ANGPT1: variants seen among roughly 807,000 people sequenced by gnomAD.
ANGPT1 encodes angiopoietin-1.
ANGPT1 carries 17 observed loss-of-function variants against 62.2 expected under a neutral mutation model. That is an observed-to-expected ratio of 0.27 (90% confidence interval 0.19 to 0.41). The LOEUF is 0.41. ANGPT1 is among the 10% of genes least tolerant of loss of function. The pLI is 1.00. For missense variants in ANGPT1, 478 were observed against 594.9 expected (o/e 0.80, Z 2.04); for synonymous variants, 199 against 198.9 (o/e 1.00, Z 0.00).
At chr8:107,396,247 T>A (rs1347537762) in intron 1 of ANGPT1, among the ~76,000 whole-genome samples, 1 of 152,140 alleles carries the variant, frequency 6.6e-6, no homozygotes, top group Non-Finnish European at 1.5e-5. Flanking sequence ...CATTTGTCTA[T>A]CTTCAGTATG....
In ANGPT1 at chr8:107,493,608, C is replaced by G. The variant is rs527729883; in HGVS notation, c.297+3654G>C. On this transcript the variant is annotated intron_variant, in intron 1 of 8. Transcript: ENST00000517746. ...TATTGAAGAGGTAAGGTGTATACCT[C>G]GAATAAAATGCTGACAGTAGACAGT... is the stretch of plus-strand genomic sequence containing the variant. Among the ~76,000 whole-genome samples the G allele has an allele frequency of 8.4e-4, 126 of 150,422 alleles. 7 individuals are homozygous for G. Among genetic ancestry groups the G allele is most frequent in the African/African-American group, 2.9e-3 (118 of 40,840 alleles).
chr8:107,384,242 T>C (rs1321284928), intron 1 of ANGPT1, among the ~76,000 whole-genome samples: 1 of 151,990 alleles, frequency 6.6e-6, no homozygotes, highest in Non-Finnish European at 1.5e-5. Flanking sequence ...GTTGGCATGG[T>C]TTTGTTGATT....
chr8:107,387,895 G>A (rs370072754), intron 1 of ANGPT1, among the ~76,000 whole-genome samples: 1 of 151,946 alleles, frequency 6.6e-6, no homozygotes, highest in East Asian at 1.9e-4. Flanking sequence ...TAAGTAAAAT[G>A]TCTGAATCCC....
At chr8:107,381,766 G>A (rs1816642323) in intron 1 of ANGPT1, among the ~76,000 whole-genome samples, 1 of 152,164 alleles carries the variant, frequency 6.6e-6, no homozygotes, top group Admixed American at 6.5e-5. Flanking sequence ...GGGACAGTGG[G>A]CATGACAGGA....
At chr8:107,365,856 AACACACACACACAC>A (rs10627552) in intron 1 of ANGPT1, among the ~76,000 whole-genome samples, 5 of 147,084 alleles carry the variant, frequency 3.4e-5, no homozygotes, top group African/African-American at 5.0e-5. Context: ...AAACAAATAC[AACACACACACACAC>A]ACACACACAC....
intron 7 of ANGPT1, among the ~76,000 whole-genome samples, chr8:107,276,377 G>A (rs1021948091): frequency 6.6e-6 from 1 of 152,014 alleles, no homozygotes; most frequent in African/African-American, 2.4e-5. Flanking sequence ...CAGAACTGCT[G>A]TAAAAAAATA....
intron 3 of ANGPT1, among the ~76,000 whole-genome samples, chr8:107,327,702 G>A (rs921781414): frequency 6.6e-6 from 1 of 152,076 alleles, no homozygotes; most frequent in Non-Finnish European, 1.5e-5. Flanking sequence ...TTTCTCACAG[G>A]AGTCTTAGGA....
At chr8:107,306,117 T>A (rs75019294) in intron 4 of ANGPT1, among the ~76,000 whole-genome samples, 1 of 152,206 alleles carries the variant, frequency 6.6e-6, no homozygotes, top group East Asian at 1.9e-4. Flanking sequence ...GTTATGGTAA[T>A]GACAACACTG....
At chr8:107,373,349 T>C (rs1406723310) in intron 1 of ANGPT1, among the ~76,000 whole-genome samples, 7 of 152,198 alleles carry the variant, frequency 4.6e-5, no homozygotes, top group Non-Finnish European at 8.8e-5. Flanking sequence ...AACACTGTCT[T>C]TTTACCAATG....
chr8:107,412,194 C>T (rs535777726), intron 1 of ANGPT1, among the ~76,000 whole-genome samples: 10 of 152,172 alleles, frequency 6.6e-5, no homozygotes, highest in African/African-American at 2.2e-4. Flanking sequence ...GGGAGATTTT[C>T]GCAGAAGCCC....
chr8:107,370,319 GAAAGAGA>G lies in ANGPT1; in HGVS notation c.298-23229_298-23223del, dbSNP rs764647866. On this transcript the variant is annotated intron_variant, in intron 1 of 8. Coordinates refer to ENST00000517746, the MANE Select transcript of ANGPT1 (RefSeq NM_001146.5). ...AAGAAGAAAGAAAGAAGGAAGGAAG[GAAAGAGA>G]AAGGAAAGAAAGAAAAAGAAAGAAA... Among the ~76,000 whole-genome samples, 271 of 54,338 alleles carry G rather than the reference GAAAGAGA, an allele frequency of 5.0e-3. 56 individuals are homozygous for G. Among genetic ancestry groups the G allele is most frequent in the Middle Eastern group, 0.023 (2 of 86 alleles). The allele number at this position is 54,338 out of a possible 152,430, so 35.6% of individuals were successfully genotyped here.
chr8:107,350,158 C>T (rs556428999), intron 1 of ANGPT1, among the ~76,000 whole-genome samples: 1 of 152,260 alleles, frequency 6.6e-6, no homozygotes, highest in Non-Finnish European at 1.5e-5. Context: ...TATTCTGGTG[C>T]AAACTTCTTA....
intron 1 of ANGPT1, among the ~76,000 whole-genome samples, chr8:107,351,263 G>T (rs1815926065): frequency 6.6e-6 from 1 of 152,118 alleles, no homozygotes; most frequent in South Asian, 2.1e-4. Context: ...AGTTGCATTT[G>T]TTAAGTGATT....
intron 1 of ANGPT1, among the ~76,000 whole-genome samples, chr8:107,480,256 C>T (rs576147036): frequency 6.6e-6 from 1 of 152,038 alleles, no homozygotes; most frequent in South Asian, 2.1e-4. Context: ...AATGTTTGCC[C>T]AAAATACATT....
intron 1 of ANGPT1, among the ~76,000 whole-genome samples, chr8:107,359,906 G>A: frequency 6.6e-6 from 1 of 152,110 alleles, no homozygotes; most frequent in South Asian, 2.1e-4. Flanking sequence ...TTTATACCCA[G>A]AAATAAAATA....
chr8:107,425,467 A>G (rs1055336644), intron 1 of ANGPT1, among the ~76,000 whole-genome samples: 7 of 152,210 alleles, frequency 4.6e-5, no homozygotes, highest in African/African-American at 9.7e-5. Context: ...ATGTATGAAA[A>G]CAAATTCAAT....
chr8:107,255,026 A>G (rs1293489584), intron 8 of ANGPT1, among the ~76,000 whole-genome samples: 1 of 152,204 alleles, frequency 6.6e-6, no homozygotes, highest in Non-Finnish European at 1.5e-5. Context: ...AATTCTGCAA[A>G]TATTAACCAA....
intron 4 of ANGPT1, among the ~76,000 whole-genome samples, chr8:107,314,053 G>GT (rs1461214899): frequency 4.6e-5 from 7 of 152,152 alleles, no homozygotes; most frequent in Admixed American, 3.9e-4. Flanking sequence ...CTACTGTTCT[G>GT]TTTTGTCCCT....
chr8:107,446,113 T>C (rs1811611627), intron 1 of ANGPT1, among the ~76,000 whole-genome samples: 1 of 152,112 alleles, frequency 6.6e-6, no homozygotes, highest in Admixed American at 6.6e-5. Flanking sequence ...GAGACTGGGT[T>C]TCACCATGTT....
Sources: gnomAD v4.1 joint callset for allele counts (sites outside exome capture counted in the v4.1 genomes callset) on GRCh38, gnomAD v4.1.1 for gene constraint, MANE v1.5 for transcripts, NCBI Gene and HGNC (gene_info 2026-07-23, HGNC 2026-07-21) for gene names.